YES1: variants seen among roughly 807,000 people sequenced by gnomAD.
YES1 encodes YES proto-oncogene 1, Src family tyrosine kinase.
A neutral mutation model predicts 70.4 loss-of-function variants in YES1; 39 were observed. The ratio of observed to expected loss-of-function variants is 0.55; its 90% CI spans 0.43 to 0.72. YES1 has a LOEUF of 0.72. Among genes scored for constraint, YES1 ranks in the 30% least tolerant of loss-of-function variants. The probability of loss-of-function intolerance (pLI) is 0.00; values close to 1 mark genes in which losing one functional copy is unlikely to be tolerated. For synonymous variants in YES1, 198 were observed against 218.6 expected, an observed-to-expected ratio of 0.91 and a Z score of 0.83; for missense variants, 495 against 644.8, an observed-to-expected ratio of 0.77 and a Z score of 2.52.
In YES1 at chr18:745,144, A is replaced by G. The variant is rs141530672; in HGVS notation, c.724+564T>C. 4.5e-3 allele frequency among the ~76,000 whole-genome samples: 681 copies of G among 152,282 alleles called. 3 individuals carry two copies. Among genetic ancestry groups the G allele is most frequent in the African/African-American group, 0.011 (456 of 41,558 alleles). On this transcript the variant is annotated intron_variant, in intron 6 of 11. Transcript: ENST00000314574. ...TAATCATGTAAAGACTTTCAGGTGCATTCATATGCCAAATTGGTAATGAAA... is the reference window on the plus strand; with the variant it reads ...TAATCATGTAAAGACTTTCAGGTGCGTTCATATGCCAAATTGGTAATGAAA...
At chr18:729,875 T>C (rs956199959) in intron 11 of YES1, among the ~76,000 whole-genome samples, 4 of 152,202 alleles carry the variant, frequency 2.6e-5, no homozygotes, top group African/African-American at 4.8e-5. Context: ...TCCACCCGCC[T>C]TGGCTTCCCA....
At chr18:783,525 A>G (rs920833967) in intron 1 of YES1, among the ~76,000 whole-genome samples, 3 of 152,162 alleles carry the variant, frequency 2.0e-5, no homozygotes, top group African/African-American at 7.2e-5. Flanking sequence ...CCAGGAGAAA[A>G]AAGTGAGAAG....
At position 781,472 on chromosome 18, in the gene YES1, C is replaced by T. The variant is rs13313619; in HGVS notation, c.-8-24637G>A. On this transcript the variant is annotated intron_variant, in intron 1 of 11. Coordinates refer to ENST00000314574, the MANE Select transcript of YES1 (RefSeq NM_005433.4). Reference sequence around the variant, plus strand: ...GTTCAAGGAATCTTCCTTGATCTCCCATGTGCTCACACAGTACATTTTATT... The same window carrying T: ...GTTCAAGGAATCTTCCTTGATCTCCTATGTGCTCACACAGTACATTTTATT... Among the ~76,000 whole-genome samples, 1,287 of 152,224 alleles carry T rather than the reference C, an allele frequency of 8.5e-3. 15 individuals carry two copies. The highest frequency in any genetic ancestry group is 0.029 in the African/African-American group (1,223 of 41,520).
intron 1 of YES1, among the ~76,000 whole-genome samples, chr18:760,049 T>C (rs985106068): frequency 6.6e-6 from 1 of 152,182 alleles, no homozygotes; most frequent in Non-Finnish European, 1.5e-5. Flanking sequence ...TCATCCTTTT[T>C]TATGGCTGCA....
chr18:764,828 G>A (rs1202686408), intron 1 of YES1, among the ~76,000 whole-genome samples: 3 of 151,372 alleles, frequency 2.0e-5, no homozygotes, highest in Admixed American at 6.6e-5. Context: ...CGCCTCCTGG[G>A]TTCATGCGAT....
chr18:784,192 T>C (rs1168575413), intron 1 of YES1, among the ~76,000 whole-genome samples: 1 of 152,186 alleles, frequency 6.6e-6, no homozygotes, highest in Non-Finnish European at 1.5e-5. Context: ...TTAAGATGAA[T>C]AATTATTGTT....
chr18:791,164 C>T (rs1215304825), intron 1 of YES1, among the ~76,000 whole-genome samples: 3 of 151,036 alleles, frequency 2.0e-5, no homozygotes, highest in Admixed American at 6.6e-5. Context: ...GCAGGAGAAT[C>T]GCTTGAGTCC....
chr18:762,494 G>T (rs1904643472), intron 1 of YES1, among the ~76,000 whole-genome samples: 1 of 151,642 alleles, frequency 6.6e-6, no homozygotes, highest in African/African-American at 2.4e-5. Context: ...TAAAATAAAA[G>T]ATGGAAAGAA....
intron 10 of YES1, among the ~76,000 whole-genome samples, chr18:733,362 CCTA>C (rs1189803254): frequency 2.0e-5 from 3 of 152,088 alleles, no homozygotes; most frequent in African/African-American, 4.8e-5. Context: ...TATGGGTTTT[CCTA>C]CTTTTTATAT....
At chr18:780,003 G>A (rs975416873) in intron 1 of YES1, among the ~76,000 whole-genome samples, 2 of 152,042 alleles carry the variant, frequency 1.3e-5, no homozygotes, top group African/African-American at 4.8e-5. Flanking sequence ...GGAGGCTGAG[G>A]AGGGTAGATT....
intron 1 of YES1, among the ~76,000 whole-genome samples, chr18:799,772 A>G (rs1906726924): frequency 6.6e-6 from 1 of 152,104 alleles, no homozygotes; most frequent in Non-Finnish European, 1.5e-5. Flanking sequence ...ATGGTGGCAT[A>G]CACCTGTAAT....
At chr18:808,323 A>C (rs1272111415) in intron 1 of YES1, among the ~76,000 whole-genome samples, 1 of 152,146 alleles carries the variant, frequency 6.6e-6, no homozygotes, top group Non-Finnish European at 1.5e-5. Flanking sequence ...TTTAGACAGG[A>C]GCTGGATGGT....
At chr18:765,275 T>C (rs896704398) in intron 1 of YES1, among the ~76,000 whole-genome samples, 1 of 98,626 alleles carries the variant, frequency 1.0e-5, no homozygotes. Flanking sequence ...TATATATATA[T>C]ATATATATAT....
intron 1 of YES1, among the ~76,000 whole-genome samples, chr18:778,383 A>C (rs10853356): frequency 0.33 from 50,551 of 152,130 alleles, 8,810 homozygotes; most frequent in African/African-American, 0.41. Context: ...CTATGGCACA[A>C]TCTACTAACT....
intron 11 of YES1, among the ~76,000 whole-genome samples, chr18:726,521 C>T (rs1033716024): frequency 6.6e-6 from 1 of 151,960 alleles, no homozygotes; most frequent in Non-Finnish European, 1.5e-5. Context: ...TGGTTCACAT[C>T]TGTAATCCCA....
chr18:782,932 T>C (rs1365924928), intron 1 of YES1, among the ~76,000 whole-genome samples: 1 of 152,222 alleles, frequency 6.6e-6, no homozygotes, highest in African/African-American at 2.4e-5. Flanking sequence ...TCCACCTGTC[T>C]TGGCCTCCCG....
intron 1 of YES1, among the ~76,000 whole-genome samples, chr18:760,469 A>T (rs1342033677): frequency 2.6e-5 from 4 of 151,802 alleles, no homozygotes; most frequent in Non-Finnish European, 5.9e-5. Flanking sequence ...GATTCTGTCT[A>T]AAAAAAACAA....
At position 746,037 on chromosome 18, in the gene YES1, T is replaced by C. The variant is rs1472827564; in HGVS notation, c.485A>G (p.Lys162Arg). The change falls in exon 5 of 12, where the codon AAA becomes AGA. Residue 162 changes from lysine to arginine, a missense_variant. By Grantham distance (26) the Lys-to-Arg change is conservative. This residue lies in a region of YES1 where 385 missense variants were observed against 540.9 expected (regional missense o/e 0.71). Coordinates refer to ENST00000314574, the MANE Select transcript of YES1 (RefSeq NM_005433.4). ...TCTTTCAGCATCTTTTCTCCCCATT[T>C]TGCCAAAATACCATCTGGAAAAAAA... Reference protein sequence around the residue: ...SIQAEEWYFGKMGRKDAERLL... With the variant: ...SIQAEEWYFGRMGRKDAERLL... 2 of 1,611,554 alleles carry C rather than the reference T, an allele frequency of 1.2e-6. No homozygotes were observed. The highest frequency in any genetic ancestry group is 2.2e-5 in the East Asian group (1 of 44,790).
intron 1 of YES1, among the ~76,000 whole-genome samples, chr18:763,343 A>C: frequency 6.6e-6 from 1 of 152,216 alleles, no homozygotes; most frequent in Non-Finnish European, 1.5e-5. Context: ...CCTAGAAAGA[A>C]GAAAAAATGA....
Sources: gnomAD v4.1 joint callset for allele counts (sites outside exome capture counted in the v4.1 genomes callset) on GRCh38, gnomAD v4.1.1 for gene constraint, gnomAD v4.1.1 regional missense constraint, MANE v1.5 for transcripts, NCBI Gene and HGNC (gene_info 2026-07-23, HGNC 2026-07-21) for gene names.